PTGS2: variants seen among roughly 807,000 people sequenced by gnomAD.
PTGS2 encodes the protein prostaglandin-endoperoxide synthase 2, also known as prostaglandin G/H synthase 2.
Under a neutral mutation model 63.8 loss-of-function variants are expected in PTGS2, and 14 were observed. The ratio of observed to expected loss-of-function variants is 0.22; its 90% CI spans 0.14 to 0.34. The LOEUF (loss-of-function observed/expected upper bound fraction) is 0.34, where lower values mean the gene tolerates loss of function less well. PTGS2 is among the 10% of genes least tolerant of loss of function. The pLI is 1.00. For missense variants in PTGS2, 533 were observed against 738.5 expected (o/e 0.72, Z 3.23); for synonymous variants, 271 against 259.5 (o/e 1.04, Z -0.43).
chr1:186,678,977 T>C (rs1665828161), intron 3 of PTGS2, 81 bp downstream of exon 3: 1 of 1,461,600 alleles, frequency 6.8e-7, no homozygotes, highest in East Asian at 2.3e-5. Context: ...TGGAAATATG[T>C]TTTTAGATTA....
rs1206007217 is a variant in PTGS2 at position 186,674,780 on chromosome 1, A to G, written c.1406-18T>C. On this transcript the variant is annotated intron_variant, in intron 9 of 9. Transcript: ENST00000367468. ...CTTTTCTCCTGTGAAGGCGATGAAG[A>G]CAGAGATACAACCAATGTCAAACTT... 4.4e-6 allele frequency: 7 copies of G among 1,582,646 alleles called. No individual in the cohort carries two copies. The highest frequency in any genetic ancestry group is 6.0e-6 in the Non-Finnish European group (7 of 1,166,384).
At position 186,680,230 on chromosome 1, in the gene PTGS2, GGTACTCACCTGTATGGCT is replaced by G; in HGVS notation, c.43_52+8del. The G allele has an allele frequency of 6.5e-7, 1 of 1,549,752 alleles. No homozygotes were observed. Reference sequence around the variant, plus strand: ...CCGGAGTCCCCGGTGCGCGGCGCCAGGTACTCACCTGTATGGCTGAGCGCCAGGACCGCGCACAGCAGC... The same window carrying G: ...CCGGAGTCCCCGGTGCGCGGCGCCAGGAGCGCCAGGACCGCGCACAGCAGC... On this transcript the variant is annotated splice_donor_variant and splice_donor_5th_base_variant and coding_sequence_variant and intron_variant, in exon 1 of 10. Coordinates refer to ENST00000367468, the MANE Select transcript of PTGS2 (RefSeq NM_000963.4). LOFTEE classifies it high-confidence loss of function.
chr1:186,672,666 T>G lies in PTGS2; in HGVS notation c.*1687A>C, dbSNP rs1489230800. ...TGTGGAAAAGAAGTATTATCGTCAT[T>G]ATTATTATTGCTGAGAACTACTTAG... On this transcript the variant is annotated 3_prime_UTR_variant, in exon 10 of 10. Coordinates refer to ENST00000367468, the MANE Select transcript of PTGS2 (RefSeq NM_000963.4). 1 of 152,534 alleles carries G rather than the reference T, an allele frequency of 6.6e-6. No homozygotes were observed. Among genetic ancestry groups the G allele is most frequent in the East Asian group, 1.9e-4 (1 of 5,192 alleles). The allele number at this position is 152,534 out of a possible 1,614,324, so 9.4% of individuals were successfully genotyped here.
rs759297172 is a variant in PTGS2, at chr1:186,672,769, C to T, written c.*1584G>A. The T allele has an allele frequency of 6.6e-6, 1 of 152,538 alleles. No individual in the cohort carries two copies. Among genetic ancestry groups the T allele is most frequent in the African/African-American group, 2.4e-5 (1 of 41,442 alleles). 9.4% of individuals were successfully genotyped at this position (152,538 alleles called of 1,614,324 possible). ...CGTAACTTTTTCCAGTCACAAACCC[C>T]GTACAGTTCTCTCTGAGGCACTAGC... is the stretch of plus-strand genomic sequence containing the variant. On this transcript the variant is annotated 3_prime_UTR_variant, in exon 10 of 10. Transcript: ENST00000367468.
Position 186,674,483 on chromosome 1 carries a change from G to A in PTGS2, c.1685C>T (p.Pro562Leu). The A allele has an allele frequency of 6.2e-7, 1 of 1,614,122 alleles. No individual in the cohort carries two copies. The highest frequency in any genetic ancestry group is 8.5e-7 in the Non-Finnish European group (1 of 1,180,024). The change falls in exon 10 of 10, where the codon CCC (proline) becomes CTC (leucine). Residue 562 changes from proline to leucine, a missense_variant. Pro to Leu is a moderately conservative substitution (Grantham distance 98). Transcript: ENST00000367468. ...SLICNNVKGC[P>L]FTSFSVPDPE... ...ATCTGGAACACTGAATGAAGTAAAGGGACAGCCCTTCACGTTATTGCAGAT... is the reference window on the plus strand; with the variant it reads ...ATCTGGAACACTGAATGAAGTAAAGAGACAGCCCTTCACGTTATTGCAGAT...
chr1:186,679,773 A>G (rs1665843705), intron 1 of PTGS2, among the ~76,000 whole-genome samples: 1 of 152,208 alleles, frequency 6.6e-6, no homozygotes, highest in Non-Finnish European at 1.5e-5. Flanking sequence ...ACACTAATCA[A>G]CATTTAGGGA....
rs1665719706 is a variant in PTGS2 at position 186,673,201 on chromosome 1, T to A, written c.*1152A>T. 1 of 152,162 alleles carries A rather than the reference T, an allele frequency of 6.6e-6. No individual in the cohort carries two copies. The highest frequency in any genetic ancestry group is 2.1e-4 in the South Asian group (1 of 4,832). 9.4% of individuals were successfully genotyped at this position (152,162 alleles called of 1,614,324 possible). On this transcript the variant is annotated 3_prime_UTR_variant, in exon 10 of 10. Coordinates refer to ENST00000367468, the MANE Select transcript of PTGS2 (RefSeq NM_000963.4). The stretch of plus-strand genomic sequence containing the variant: ...TTAATGTGTGAAATGAATTTAAGCA[T>A]TTTGAAGAGGTATTTTATGAGGTCA...
At chr1:186,678,009 T>C (rs1455008684) in intron 4 of PTGS2, among the ~76,000 whole-genome samples, 179 bp from the exon 5 acceptor site, 1 of 152,226 alleles carries the variant, frequency 6.6e-6, no homozygotes, top group African/African-American at 2.4e-5. Flanking sequence ...ATTTTATCTA[T>C]TTTAATTAGA....
Position 186,680,242 on chromosome 1 carries a change from T to G in PTGS2, c.49A>C (p.Thr17Pro), listed in dbSNP as rs199946406. The change falls in exon 1 of 10, where the codon ACA becomes CCA. Residue 17 changes from threonine to proline, a missense_variant. Thr to Pro is a conservative substitution (Grantham distance 38, BLOSUM62 -1). Around this residue, in one of 5 missense-constraint regions of PTGS2, gnomAD observed 118 missense variants for 144.6 expected, o/e 0.82. Transcript: ENST00000367468. ...GTGCGCGGCGCCAGGTACTCACCTG[T>G]ATGGCTGAGCGCCAGGACCGCGCAC... is the stretch of plus-strand genomic sequence containing the variant. ...LLCAVLALSH[T>P]ANPCCSHPCQ... 1.9e-6 allele frequency: 3 copies of G among 1,549,026 alleles called. No homozygotes were observed. In the South Asian group the frequency reaches 3.6e-5, roughly 18 times the overall value.
rs540833742 is a variant in PTGS2, at chr1:186,678,497, T to A, written c.314-93A>T. On this transcript the variant is annotated intron_variant, in intron 3 of 9. Coordinates refer to ENST00000367468, the MANE Select transcript of PTGS2 (RefSeq NM_000963.4). Reference sequence around the variant, plus strand: ...ATTGTAAAATGTGGAAAGTGGCACCTGAGGTTGAATGTAACTCCAAAATAA... The same window carrying A: ...ATTGTAAAATGTGGAAAGTGGCACCAGAGGTTGAATGTAACTCCAAAATAA... The A allele has an allele frequency of 2.6e-6, 3 of 1,168,724 alleles. No homozygotes were observed. The South Asian group carries it at 5.3e-5, about 21-fold the overall frequency. The allele number at this position is 1,168,724 out of a possible 1,614,324, so 72.4% of individuals were successfully genotyped here.
chr1:186,676,759 A>G (rs1665789225), intron 6 of PTGS2, 46 bp from the exon 7 acceptor site: 1 of 1,597,716 alleles, frequency 6.3e-7, no homozygotes, highest in African/African-American at 1.4e-5. Context: ...AAAGTTAAGG[A>G]ACACATTTTT....
rs3134591 is a variant in PTGS2 at position 186,680,293 on chromosome 1, C to A, written c.-3G>T. ...AGCAGCAGGGCGCGGGCGAGCATCG[C>A]AGCGGCGGGCAGGGCGCGGCGCGGG... On this transcript the variant is annotated 5_prime_UTR_variant, in exon 1 of 10. Transcript: ENST00000367468. 6.5e-7 allele frequency: 1 copy of A among 1,541,070 alleles called. No individual in the cohort carries two copies. The highest frequency in any genetic ancestry group is 1.2e-5 in the South Asian group (1 of 83,428).
chr1:186,676,073 T>C lies in PTGS2; in HGVS notation c.1082A>G (p.Asn361Ser), dbSNP rs200479241. 1.3e-5 allele frequency: 21 copies of C among 1,613,982 alleles called. No individual in the cohort carries two copies. Among genetic ancestry groups the C allele is most frequent in the Non-Finnish European group, 1.8e-5 (21 of 1,180,004 alleles). ...GGTGTTAAATTCAGCAGCAATACGATTTTGGTACTGGAATTGTTTGTTGAA... is the reference window on the plus strand; with the variant it reads ...GGTGTTAAATTCAGCAGCAATACGACTTTGGTACTGGAATTGTTTGTTGAA... Reference protein sequence around the residue: ...LLFNKQFQYQNRIAAEFNTLY... With the variant: ...LLFNKQFQYQSRIAAEFNTLY... The change falls in exon 8 of 10, where the codon AAT (asparagine) becomes AGT (serine). Residue 361 changes from asparagine to serine, a missense_variant. Asn to Ser is a conservative substitution (Grantham distance 46, BLOSUM62 1). Around this residue, in one of 5 missense-constraint regions of PTGS2, gnomAD observed 67 missense variants for 152.6 expected, o/e 0.44. Coordinates refer to ENST00000367468, the MANE Select transcript of PTGS2 (RefSeq NM_000963.4).
At chr1:186,674,973 T>C (rs1665754123) in intron 9 of PTGS2, among the ~76,000 whole-genome samples, 1 of 152,208 alleles carries the variant, frequency 6.6e-6, no homozygotes, top group African/African-American at 2.4e-5. Flanking sequence ...GGTCAGGAGT[T>C]TGAGACCAGC....
In PTGS2 at chr1:186,675,774, A is replaced by C. The variant is rs972407236; in HGVS notation, c.1257+124T>G. On this transcript the variant is annotated intron_variant, in intron 8 of 9. Coordinates refer to ENST00000367468, the MANE Select transcript of PTGS2 (RefSeq NM_000963.4). ...CAAAGTTAGGCTTCTTATATCAATA[A>C]AATAATTTTACTAGCAATATAACTA... The C allele has an allele frequency of 1.2e-5, 13 of 1,061,800 alleles. No individual in the cohort carries two copies. In the African/African-American group the frequency reaches 1.9e-4, roughly 16 times the overall value. The allele number at this position is 1,061,800 out of a possible 1,614,324, so 65.8% of individuals were successfully genotyped here.
chr1:186,677,354 A>C (rs938737638), intron 5 of PTGS2, among the ~76,000 whole-genome samples: 3 of 152,228 alleles, frequency 2.0e-5, no homozygotes, highest in African/African-American at 7.2e-5. Flanking sequence ...AACATTTTGC[A>C]GTACTAACAT....
In PTGS2 at chr1:186,674,656, A is replaced by G. The variant is rs756084564; in HGVS notation, c.1512T>C (p.Phe504=). Residue 504 remains phenylalanine, a synonymous_variant, in exon 10 of 10, where the codon TTT becomes TTC. Coordinates refer to ENST00000367468, the MANE Select transcript of PTGS2 (RefSeq NM_000963.4). ...CTCCAACTTCTACCATGGTTTCACC[A>G]AAGATGGCATCTGGCCGAGGCTTTT... ...LVEKPRPDAI[F]GETMVEVGAP... 6.2e-7 allele frequency: 1 copy of G among 1,614,244 alleles called. No homozygotes were observed.
intron 8 of PTGS2, 145 bp downstream of exon 8, chr1:186,675,753 G>T: frequency 1.1e-6 from 1 of 933,562 alleles, no homozygotes; most frequent in Non-Finnish European, 1.5e-6. Context: ...TTCAAACAAA[G>T]TTAGGCTTCT....
chr1:186,678,986 T>C (rs1282664968), intron 3 of PTGS2, 72 bp downstream of exon 3: 1 of 1,479,136 alleles, frequency 6.8e-7, no homozygotes, highest in East Asian at 2.3e-5. Context: ...GTTTTTAGAT[T>C]AGGCTTACAG....
Sources: allele counts gnomAD v4.1 joint callset (sites outside exome capture counted in the v4.1 genomes callset), GRCh38; gene constraint gnomAD v4.1.1; regional missense constraint gnomAD v4.1.1; transcripts MANE v1.5; gene names NCBI Gene and HGNC (gene_info 2026-07-23, HGNC 2026-07-21).